The following JAZF1 variants were observed in gnomAD, a reference collection of about 807,000 sequenced individuals.
The protein encoded by JAZF1 is juxtaposed with another zinc finger protein 1.
In JAZF1, 8 loss-of-function variants were observed where a neutral mutation model predicts 26.4. The observed-to-expected ratio is 0.30, with a 90% CI of 0.18 to 0.55. The LOEUF is 0.55. JAZF1 is among the 20% of genes least tolerant of loss of function. JAZF1 has a pLI of 0.94. For missense variants in JAZF1, 199 were observed against 322.0 expected (o/e 0.62, Z 2.92); for synonymous variants, 126 against 122.3 (o/e 1.03, Z -0.20).
chr7:28,043,511 T>C (rs1783440867), intron 1 of JAZF1, among the ~76,000 whole-genome samples: 1 of 152,298 alleles, frequency 6.6e-6, no homozygotes, highest in Non-Finnish European at 1.5e-5. Context: ...TGAGTTGGTG[T>C]TTGTTTTCAG....
intron 2 of JAZF1, among the ~76,000 whole-genome samples, chr7:27,958,477 T>G (rs1317492358): frequency 6.6e-6 from 1 of 152,200 alleles, no homozygotes; most frequent in Non-Finnish European, 1.5e-5. Flanking sequence ...ATGGAAACCT[T>G]GACAGCAGTC....
intron 2 of JAZF1, among the ~76,000 whole-genome samples, chr7:27,901,528 TAA>T (rs1373405390): frequency 1.3e-5 from 2 of 152,224 alleles, no homozygotes; most frequent in African/African-American, 4.8e-5. Context: ...CACCTGAGTC[TAA>T]GTGACCTGCT....
chr7:27,862,198 A>T (rs538349330), intron 3 of JAZF1, among the ~76,000 whole-genome samples: 1 of 152,326 alleles, frequency 6.6e-6, no homozygotes, highest in African/African-American at 2.4e-5. Context: ...ATTTATTTTT[A>T]CTTTTTAAAA....
chr7:27,866,281 C>T (rs1783471400), intron 3 of JAZF1, among the ~76,000 whole-genome samples: 1 of 152,170 alleles, frequency 6.6e-6, no homozygotes, highest in Admixed American at 6.5e-5. Flanking sequence ...TTGCAATGTG[C>T]AAAGGTGCAC....
intron 2 of JAZF1, among the ~76,000 whole-genome samples, chr7:27,991,390 TC>T (rs1785899958): frequency 2.0e-5 from 3 of 152,196 alleles, no homozygotes; most frequent in Non-Finnish European, 2.9e-5. Context: ...GAAATGGTGC[TC>T]TGAAGTTGGG....
chr7:28,076,966 T>C (rs1318252429), intron 1 of JAZF1, among the ~76,000 whole-genome samples: 3 of 152,174 alleles, frequency 2.0e-5, no homozygotes, highest in East Asian at 1.9e-4. Context: ...TCTTAGTGTG[T>C]AGACGACAAC....
intron 2 of JAZF1, among the ~76,000 whole-genome samples, chr7:27,945,408 T>C (rs2128353408): frequency 6.6e-6 from 1 of 152,280 alleles, no homozygotes; most frequent in Non-Finnish European, 1.5e-5. Flanking sequence ...CTGACCTTGG[T>C]GTGGGCCAGC....
intron 1 of JAZF1, among the ~76,000 whole-genome samples, chr7:28,061,762 A>G (rs1783800530): frequency 1.3e-5 from 2 of 152,244 alleles, no homozygotes; most frequent in African/African-American, 4.8e-5. Context: ...ATAATGTAAA[A>G]AGACATACAC....
intron 2 of JAZF1, among the ~76,000 whole-genome samples, chr7:27,990,783 A>G (rs1459290509): frequency 6.6e-6 from 1 of 152,222 alleles, no homozygotes; most frequent in Non-Finnish European, 1.5e-5. Flanking sequence ...AGAAACCCAG[A>G]AAAGTGTATG....
chr7:28,148,101 C>A (rs1783055288), intron 1 of JAZF1, among the ~76,000 whole-genome samples: 1 of 151,526 alleles, frequency 6.6e-6, no homozygotes, highest in South Asian at 2.1e-4. Flanking sequence ...GACAGAGTCT[C>A]ACCCTGTTGC....
chr7:27,998,025 A>AGAAGGAAGGAAGGAAG lies in JAZF1; in HGVS notation c.116-6060_116-6045dup, dbSNP rs199643152. ...AGGGAGGAAGAGAGGAATGGGGGGA[A>AGAAGGAAGGAAGGAAG]GAAGGAAGGAAGGAAGGAAGGAAGG... On this transcript the variant is annotated intron_variant, in intron 1 of 4. Transcript: ENST00000283928. Among the ~76,000 whole-genome samples the AGAAGGAAGGAAGGAAG allele has an allele frequency of 3.0e-3, 339 of 111,230 alleles. 1 individual carries two copies. The highest frequency in any genetic ancestry group is 4.3e-3 in the Non-Finnish European group (231 of 54,042). The allele number at this position is 111,230 out of a possible 152,430, so 73.0% of individuals were successfully genotyped here. A position where few individuals can be genotyped will look rare whatever the true frequency, so the allele number is the denominator to read the frequency against.
intron 2 of JAZF1, among the ~76,000 whole-genome samples, chr7:27,905,435 CTTTTT>C (rs55972060): frequency 6.9e-6 from 1 of 144,544 alleles, no homozygotes; most frequent in African/African-American, 2.5e-5. Flanking sequence ...TTCTTTCTTT[CTTTTT>C]TTTTTTTGTG....
chr7:28,115,488 C>T (rs2127935129), intron 1 of JAZF1, among the ~76,000 whole-genome samples: 1 of 152,250 alleles, frequency 6.6e-6, no homozygotes, highest in Admixed American at 6.5e-5. Flanking sequence ...TGTAGATAAA[C>T]CACTACAGCT....
intron 3 of JAZF1, among the ~76,000 whole-genome samples, chr7:27,888,137 T>G (rs1017200845): frequency 6.6e-6 from 1 of 152,166 alleles, no homozygotes; most frequent in Non-Finnish European, 1.5e-5. Context: ...GTAAATCAGA[T>G]CAATACGAAG....
chr7:28,170,472 C>T (rs528046), intron 1 of JAZF1, among the ~76,000 whole-genome samples: 151,911 of 151,986 alleles, frequency 1, 75,918 homozygotes, highest in Middle Eastern at 1. Flanking sequence ...TGATCATCAG[C>T]GAGAGAGAGA....
At position 27,987,417 on chromosome 7, in the gene JAZF1, G is replaced by A. The variant is rs570680287; in HGVS notation, c.188+4492C>T. Among the ~76,000 whole-genome samples, 28 of 151,098 alleles carry A rather than the reference G, an allele frequency of 1.9e-4. No individual in the cohort carries two copies. The South Asian group carries it at 2.9e-3, about 16-fold the overall frequency. On this transcript the variant is annotated intron_variant, in intron 2 of 4. Coordinates refer to ENST00000283928, the MANE Select transcript of JAZF1 (RefSeq NM_175061.4). ...TGAGAAGTGAGGAGCCCCTCCACCC[G>A]GCAGCCGCCCCGTCTGGGAAGTGAG...
chr7:27,846,370 TACGTACATGTACGTATATATACATATAC>T, intron 3 of JAZF1: 1 of 397,654 alleles, frequency 2.5e-6, no homozygotes, highest in Non-Finnish European at 5.1e-6. Flanking sequence ...TACATATGTA[TACGTACATGTACGTATATATACATATAC>T]GTATACATGT....
chr7:28,032,271 G>A (rs1221987742), intron 1 of JAZF1, among the ~76,000 whole-genome samples: 1 of 152,114 alleles, frequency 6.6e-6, no homozygotes, highest in African/African-American at 2.4e-5. Context: ...AATCAACACT[G>A]GCACTGCACA....
At chr7:27,838,346 TTGGCCTTACCAG>T (rs924694271) in intron 4 of JAZF1, among the ~76,000 whole-genome samples, 8 of 152,282 alleles carry the variant, frequency 5.3e-5, no homozygotes, top group African/African-American at 1.9e-4. Context: ...ATGTGGAGAC[TTGGCCTTACCAG>T]TGGGATCCTT....
Sources: gnomAD v4.1 joint callset for allele counts (sites outside exome capture counted in the v4.1 genomes callset) on GRCh38, gnomAD v4.1.1 for gene constraint, MANE v1.5 for transcripts, NCBI Gene and HGNC (gene_info 2026-07-23, HGNC 2026-07-21) for gene names.